The following TRABD2B variants were observed in gnomAD, a reference collection of about 807,000 sequenced individuals.
TRABD2B encodes the protein TraB domain containing 2B.
In TRABD2B, 14 loss-of-function variants were observed where a neutral mutation model predicts 40.1. The ratio of observed to expected loss-of-function variants is 0.35; its 90% CI spans 0.23 to 0.55. TRABD2B has a LOEUF of 0.55. Ranked by LOEUF, TRABD2B falls within the 20% of genes least tolerant of loss-of-function variation. The pLI is 0.90. For missense variants in TRABD2B, 541 were observed against 648.6 expected (o/e 0.83, Z 1.80); for synonymous variants, 263 against 277.0 (o/e 0.95, Z 0.50).
At chr1:47,927,702 A>G (rs1644987863) in intron 2 of TRABD2B, among the ~76,000 whole-genome samples, 1 of 152,262 alleles carries the variant, frequency 6.6e-6, no homozygotes, top group Admixed American at 6.5e-5. Flanking sequence ...CAGTGTGCCA[A>G]GAAGAAGCTG....
intron 2 of TRABD2B, among the ~76,000 whole-genome samples, chr1:47,889,591 G>A (rs1644418183): frequency 6.6e-6 from 1 of 152,222 alleles, no homozygotes. Context: ...CCAGAAGATT[G>A]TAAAAATAAG....
intron 2 of TRABD2B, among the ~76,000 whole-genome samples, chr1:47,869,313 G>T (rs1009747598): frequency 1.3e-5 from 2 of 152,202 alleles, no homozygotes; most frequent in East Asian, 3.8e-4. Context: ...AAAGTCTCAA[G>T]ACTTGTTGAA....
intron 3 of TRABD2B, among the ~76,000 whole-genome samples, chr1:47,799,493 A>G (rs1644790572): frequency 6.6e-6 from 1 of 152,070 alleles, no homozygotes; most frequent in African/African-American, 2.4e-5. Context: ...TTCATTCTCT[A>G]TGCTGCTGCA....
intron 2 of TRABD2B, among the ~76,000 whole-genome samples, chr1:47,920,914 T>C (rs1644893609): frequency 6.6e-6 from 1 of 152,212 alleles, no homozygotes; most frequent in African/African-American, 2.4e-5. Flanking sequence ...ATACAGTCAG[T>C]GATGCACACA....
chr1:47,969,590 C>T (rs1363325437), intron 2 of TRABD2B, among the ~76,000 whole-genome samples: 1 of 152,208 alleles, frequency 6.6e-6, no homozygotes, highest in East Asian at 1.9e-4. Context: ...GTGCCCTCCT[C>T]TAGGGAAGAG....
chr1:47,808,152 C>T (rs1644917075), intron 2 of TRABD2B, among the ~76,000 whole-genome samples: 2 of 152,180 alleles, frequency 1.3e-5, no homozygotes, highest in South Asian at 4.1e-4. Context: ...TAGAAAAAAT[C>T]TGACCCTGTC....
intron 2 of TRABD2B, among the ~76,000 whole-genome samples, chr1:47,967,501 T>C (rs1189913650): frequency 6.6e-6 from 1 of 152,208 alleles, no homozygotes; most frequent in Non-Finnish European, 1.5e-5. Flanking sequence ...CCTCACCATC[T>C]TCACCTGAAA....
chr1:47,888,937 C>A (rs764150338), intron 2 of TRABD2B, among the ~76,000 whole-genome samples: 4 of 152,198 alleles, frequency 2.6e-5, no homozygotes, highest in Non-Finnish European at 5.9e-5. Context: ...CATCACCCAC[C>A]CTAGGTCAGG....
intron 4 of TRABD2B, among the ~76,000 whole-genome samples, chr1:47,792,333 C>A (rs140099888): frequency 1.3e-5 from 2 of 152,228 alleles, no homozygotes; most frequent in Non-Finnish European, 2.9e-5. Flanking sequence ...ACCAAAGACA[C>A]AGCGATGATT....
chr1:47,783,675 A>G (rs550574250), intron 4 of TRABD2B, among the ~76,000 whole-genome samples: 132 of 152,324 alleles, frequency 8.7e-4, no homozygotes, highest in African/African-American at 3.1e-3. Flanking sequence ...TGCAGCCCCC[A>G]TGATGTTTTA....
At chr1:47,896,245 G>A (rs1462489290) in intron 2 of TRABD2B, among the ~76,000 whole-genome samples, 1 of 152,234 alleles carries the variant, frequency 6.6e-6, no homozygotes, top group Non-Finnish European at 1.5e-5. Context: ...AGGGAAGCCA[G>A]CGGAGGCTTG....
chr1:47,808,490 A>C (rs1644921402), intron 2 of TRABD2B, among the ~76,000 whole-genome samples: 1 of 152,216 alleles, frequency 6.6e-6, no homozygotes, highest in African/African-American at 2.4e-5. Flanking sequence ...CCCTGTACAT[A>C]TGTGAGGAGA....
chr1:47,959,253 G>A (rs557921232), intron 2 of TRABD2B, among the ~76,000 whole-genome samples: 9 of 152,100 alleles, frequency 5.9e-5, no homozygotes, highest in Admixed American at 1.3e-4. Flanking sequence ...GCCCACAAGA[G>A]AAAGCAGGAA....
intron 2 of TRABD2B, among the ~76,000 whole-genome samples, chr1:47,937,679 C>T (rs979686572): frequency 6.6e-6 from 1 of 151,780 alleles, no homozygotes; most frequent in African/African-American, 2.4e-5. Flanking sequence ...AGGTAAGAGA[C>T]CCAAGATCCT....
intron 2 of TRABD2B, among the ~76,000 whole-genome samples, chr1:47,929,258 A>C (rs898938222): frequency 1.3e-5 from 2 of 152,182 alleles, no homozygotes; most frequent in African/African-American, 4.8e-5. Flanking sequence ...TTGAAGAGAG[A>C]GAGCCTCCTT....
At chr1:47,929,746 G>A (rs1645015132) in intron 2 of TRABD2B, among the ~76,000 whole-genome samples, 1 of 152,144 alleles carries the variant, frequency 6.6e-6, no homozygotes, top group Non-Finnish European at 1.5e-5. Flanking sequence ...GTTAGCACTG[G>A]AGGAATGCTG....
chr1:47,780,016 C>T (rs1644500223), intron 4 of TRABD2B, among the ~76,000 whole-genome samples: 1 of 152,172 alleles, frequency 6.6e-6, no homozygotes. Flanking sequence ...TCGCACACCT[C>T]TGGGCTGGTT....
At chr1:47,976,048 G>A (rs1485222657) in intron 2 of TRABD2B, among the ~76,000 whole-genome samples, 2 of 152,250 alleles carry the variant, frequency 1.3e-5, no homozygotes, top group African/African-American at 2.4e-5. Context: ...AGACCTTCAA[G>A]GTCCCCTGCT....
chr1:47,804,971 T>G (rs1208116645), intron 2 of TRABD2B, among the ~76,000 whole-genome samples: 1 of 152,178 alleles, frequency 6.6e-6, no homozygotes, highest in African/African-American at 2.4e-5. Flanking sequence ...AGCAGGGACT[T>G]CTGCACCAAG....
Sources: gnomAD v4.1 joint callset for allele counts (sites outside exome capture counted in the v4.1 genomes callset) on GRCh38, gnomAD v4.1.1 for gene constraint, MANE v1.5 for transcripts, NCBI Gene and HGNC (gene_info 2026-07-23, HGNC 2026-07-21) for gene names.